Variants in KTN1 observed in about 807,000 individuals in gnomAD.
KTN1 encodes kinectin.
KTN1 carries 130 observed loss-of-function variants against 222.5 expected under a neutral mutation model. The ratio of observed to expected loss-of-function variants is 0.58; its 90% CI spans 0.51 to 0.68. KTN1 has a LOEUF of 0.68. Among genes scored for constraint, KTN1 ranks in the 30% least tolerant of loss-of-function variants. KTN1 has a pLI of 0.00. For missense variants in KTN1, 1,508 were observed against 1,500.4 expected (o/e 1.01, Z -0.08); for synonymous variants, 512 against 496.3 (o/e 1.03, Z -0.42).
At chr14:55,627,719 G>T (rs1407543469) in intron 5 of KTN1, among the ~76,000 whole-genome samples, 193 bp from the exon 6 acceptor site, 1 of 152,080 alleles carries the variant, frequency 6.6e-6, no homozygotes, top group African/African-American at 2.4e-5. Flanking sequence ...GCAGTGTTTG[G>T]TTTTCTGTTC....
At chr14:55,615,175 T>G (rs781057114) in intron 2 of KTN1, among the ~76,000 whole-genome samples, 8 of 152,216 alleles carry the variant, frequency 5.3e-5, no homozygotes, top group Non-Finnish European at 1.0e-4. Flanking sequence ...TTATTTTATT[T>G]ATTTTTATTG....
At chr14:55,670,906 G>A (rs867791873) in intron 35 of KTN1, 97 bp downstream of exon 35, 17 of 734,648 alleles carry the variant, frequency 2.3e-5, no homozygotes, top group Middle Eastern at 2.5e-4. Context: ...AAAGATAATC[G>A]AATAAGGCTC....
chr14:55,640,566 G>A (rs571372607), intron 15 of KTN1, 124 bp downstream of exon 15: 2 of 665,746 alleles, frequency 3.0e-6, no homozygotes, highest in Non-Finnish European at 5.1e-6. Flanking sequence ...ATCATCTTTG[G>A]CTGCATGATT....
intron 24 of KTN1, 152 bp from the exon 25 acceptor site, chr14:55,651,735 CAAG>C (rs1300616224): frequency 1.6e-5 from 9 of 568,462 alleles, no homozygotes; most frequent in Non-Finnish European, 2.8e-5. Flanking sequence ...TTATTGGAGT[CAAG>C]AGGAGGTAAA....
At chr14:55,627,491 AC>A (rs2039985830) in intron 5 of KTN1, among the ~76,000 whole-genome samples, 1 of 152,082 alleles carries the variant, frequency 6.6e-6, no homozygotes, top group Non-Finnish European at 1.5e-5. Flanking sequence ...GTTCTGGGAT[AC>A]ATGTGCAGAA....
rs1480126453 is a variant in KTN1, at chr14:55,677,473, T to TG, written c.3856-879_3856-878insG. ...GCCTGGGTGACAGAGAAAGACTGTCTAAAAAAAAAAAAAAAAAAAAAAGTT... is the reference window on the plus strand; with the variant it reads ...GCCTGGGTGACAGAGAAAGACTGTCTGAAAAAAAAAAAAAAAAAAAAAAGTT... On this transcript the variant is annotated intron_variant, in intron 41 of 43. Transcript: ENST00000395314. 6.7e-4 allele frequency among the ~76,000 whole-genome samples: 66 copies of TG among 98,372 alleles called. 1 individual carries two copies. Among genetic ancestry groups the TG allele is most frequent in the Middle Eastern group, 5.3e-3 (1 of 188 alleles). The allele number at this position is 98,372 out of a possible 152,430, so 64.5% of individuals were successfully genotyped here.
In KTN1 at chr14:55,659,633, TTGTTCTGAAA is replaced by T. The variant is rs561691128; in HGVS notation, c.2962-31_2962-22del. 5.2e-4 allele frequency: 703 copies of T among 1,351,894 alleles called. 5 individuals are homozygous for T. The African/African-American group carries it at 9.3e-3, about 18-fold the overall frequency. 83.7% of individuals were successfully genotyped at this position (1,351,894 alleles called of 1,614,324 possible). On this transcript the variant is annotated intron_variant, in intron 30 of 43. Coordinates refer to ENST00000395314, the MANE Select transcript of KTN1 (RefSeq NM_001079521.2). ...ATGTTTTTAAGTCTCCTGAAAAGTT[TTGTTCTGAAA>T]TAACATTTAACTCTTTTGATAGGCA...
At chr14:55,656,254 A>G (rs777884412) in intron 29 of KTN1, 122 bp downstream of exon 29, 3 of 640,776 alleles carry the variant, frequency 4.7e-6, no homozygotes, top group Non-Finnish European at 5.5e-6. Context: ...CCCAGATACT[A>G]GGTGTCATTA....
At chr14:55,586,736 T>G (rs2033088374) in intron 1 of KTN1, among the ~76,000 whole-genome samples, 1 of 152,094 alleles carries the variant, frequency 6.6e-6, no homozygotes, top group Admixed American at 6.5e-5. Context: ...TGATTTAAAT[T>G]TAAAGACTTG....
intron 1 of KTN1, among the ~76,000 whole-genome samples, chr14:55,602,640 G>A (rs2036152546): frequency 1.3e-5 from 2 of 151,536 alleles, no homozygotes; most frequent in African/African-American, 4.9e-5. Flanking sequence ...AGAGTGCAGA[G>A]GTGAAATCAT....
At position 55,650,406 on chromosome 14, in the gene KTN1, G is replaced by A. The variant is rs759192958; in HGVS notation, c.2484G>A (p.Glu828=). 1 of 1,609,538 alleles carries A rather than the reference G, an allele frequency of 6.2e-7. No homozygotes were observed. Among genetic ancestry groups the A allele is most frequent in the Non-Finnish European group, 8.5e-7 (1 of 1,177,530 alleles). ...AACTTCTCAAAGTTGCTAACAAGGAGAAAACTGTTCAGGTATTGGGAGACA... is the reference window on the plus strand; with the variant it reads ...AACTTCTCAAAGTTGCTAACAAGGAAAAAACTGTTCAGGTATTGGGAGACA... ...EAELLKVANK[E]KTVQDLKQEI... Residue 828 remains glutamate, a synonymous_variant, in exon 23 of 44, where the codon GAG becomes GAA. Transcript: ENST00000395314.
chr14:55,671,801 A>C lies in KTN1; in HGVS notation c.3455A>C (p.Lys1152Thr), dbSNP rs774238989. The C allele has an allele frequency of 6.2e-7, 1 of 1,610,246 alleles. No individual in the cohort carries two copies. The highest frequency in any genetic ancestry group is 8.5e-7 in the Non-Finnish European group (1 of 1,176,654). ...VLAETEGILQ[K>T]LQRSVEQEEN... ...TGTCTGTAGGAAGGAATTTTACAGA[A>C]GCTACAGAGAAGTGTTGAGCAAGAA... The change falls in exon 37 of 44, where the codon AAG becomes ACG. Residue 1152 changes from lysine to threonine, a missense_variant. Transcript: ENST00000395314.
At chr14:55,603,527 T>TCC (rs1276658819) in intron 1 of KTN1, among the ~76,000 whole-genome samples, 4 of 152,204 alleles carry the variant, frequency 2.6e-5, no homozygotes, top group Non-Finnish European at 4.4e-5. Context: ...GACAGCAAAC[T>TCC]CCTAGTTTTC....
chr14:55,613,180 CAGAT>C (rs562088192), intron 2 of KTN1, among the ~76,000 whole-genome samples: 97 of 152,242 alleles, frequency 6.4e-4, no homozygotes, highest in African/African-American at 2.2e-3. Context: ...GCTGTAGACA[CAGAT>C]AGGTCATTAT....
In KTN1 at chr14:55,612,060, T is replaced by C; in HGVS notation, c.12T>C (p.Tyr4=). 10 of 1,468,130 alleles carry C rather than the reference T, an allele frequency of 6.8e-6. No individual in the cohort carries two copies. Among genetic ancestry groups the C allele is most frequent in the Non-Finnish European group, 9.0e-6 (10 of 1,111,220 alleles). The allele number at this position is 1,468,130 out of a possible 1,614,324, so 90.9% of individuals were successfully genotyped here. ...TTGACAAAAGTACCATGGAGTTTTATGAGTCAGCATATTTTATTGTTCTTA... is the reference window on the plus strand; with the variant it reads ...TTGACAAAAGTACCATGGAGTTTTACGAGTCAGCATATTTTATTGTTCTTA... MEF[Y]ESAYFIVLIP... is the part of the protein sequence containing the mutation. Residue 4 remains tyrosine, a synonymous_variant, in exon 2 of 44, where the codon TAT becomes TAC. Coordinates refer to ENST00000395314, the MANE Select transcript of KTN1 (RefSeq NM_001079521.2).
chr14:55,585,025 G>T (rs2032655703), intron 1 of KTN1, among the ~76,000 whole-genome samples: 2 of 151,658 alleles, frequency 1.3e-5, no homozygotes, highest in Non-Finnish European at 2.9e-5. Context: ...CCGGCTTCTT[G>T]GGAGGCTGAG....
chr14:55,593,534 G>T (rs777555225), intron 1 of KTN1, among the ~76,000 whole-genome samples: 30 of 150,406 alleles, frequency 2.0e-4, no homozygotes, highest in African/African-American at 6.4e-4. Flanking sequence ...TAGCTGCTTG[G>T]TTTTTTTTCC....
chr14:55,606,433 G>C (rs1450003592), intron 1 of KTN1, among the ~76,000 whole-genome samples: 1 of 151,834 alleles, frequency 6.6e-6, no homozygotes, highest in African/African-American at 2.4e-5. Context: ...ATTTTGATTT[G>C]TTAAGTTTTT....
At chr14:55,629,661 T>G (rs1174819519) in intron 6 of KTN1, among the ~76,000 whole-genome samples, 2 of 152,196 alleles carry the variant, frequency 1.3e-5, no homozygotes, top group African/African-American at 2.4e-5. Flanking sequence ...CAAGTTAGAA[T>G]GTAGGATTTA....
Sources: gnomAD v4.1 joint callset for allele counts (sites outside exome capture counted in the v4.1 genomes callset) on GRCh38, gnomAD v4.1.1 for gene constraint, MANE v1.5 for transcripts, NCBI Gene and HGNC (gene_info 2026-07-23, HGNC 2026-07-21) for gene names.